Variants in CACNG1 observed in about 807,000 individuals in gnomAD.
The protein encoded by CACNG1 is calcium voltage-gated channel auxiliary subunit gamma 1, also known as voltage-dependent calcium channel gamma-1 subunit.
In CACNG1, 21 loss-of-function variants were observed where a neutral mutation model predicts 22.0. The observed-to-expected ratio is 0.95, with a 90% CI of 0.68 to 1.37. The LOEUF is 1.37. Among genes scored for constraint, CACNG1 ranks in the 40% most tolerant of loss-of-function variants. The pLI is 0.00. For synonymous variants in CACNG1, 127 were observed against 129.2 expected, an observed-to-expected ratio of 0.98 and a Z score of 0.12; for missense variants, 291 against 308.6, an observed-to-expected ratio of 0.94 and a Z score of 0.43.
chr17:67,054,220 T>G lies in CACNG1; in HGVS notation c.304+150T>G. On this transcript the variant is annotated intron_variant, in intron 2 of 3. Transcript: ENST00000226021. The surrounding 1 kb of genome is among the most constrained non-coding windows in gnomAD (Gnocchi z 4.6). ...GCATTTGAACAACAGCCTTGTCAGC[T>G]CCCCGCTCCGGAGGCCCCAGGCAGC... is the stretch of plus-strand genomic sequence containing the variant. The G allele has an allele frequency of 1.5e-6, 1 of 665,730 alleles. No homozygotes were observed. The highest frequency in any genetic ancestry group is 2.6e-6 in the Non-Finnish European group (1 of 380,002). 41.2% of individuals were successfully genotyped at this position (665,730 alleles called of 1,614,324 possible). A position where few individuals can be genotyped will look rare whatever the true frequency, so the allele number is the denominator to read the frequency against.
chr17:67,053,924 C>T (rs113550460), intron 1 of CACNG1, 72 bp from the exon 2 acceptor site: 107 of 1,098,216 alleles, frequency 9.7e-5, no homozygotes, highest in South Asian at 8.2e-4. Context: ...AATGACACCA[C>T]GCTCTCTGCC....
intron 1 of CACNG1, among the ~76,000 whole-genome samples, chr17:67,051,540 T>C (rs2035728267): frequency 6.6e-6 from 1 of 152,176 alleles, no homozygotes; most frequent in Admixed American, 6.5e-5. Flanking sequence ...AGTTCAGCCA[T>C]GTAAGAGTGA....
In CACNG1 at chr17:67,044,713, C is replaced by T; in HGVS notation, c.53C>T (p.Ala18Val). 6.2e-7 allele frequency: 1 copy of T among 1,611,792 alleles called. No individual in the cohort carries two copies. Residue 18 changes from alanine (A) to valine (V), a missense_variant, in exon 1 of 4, where the codon GCA becomes GTA. Ala to Val is a moderately conservative substitution (Grantham distance 64, BLOSUM62 0). Coordinates refer to ENST00000226021, the MANE Select transcript of CACNG1 (RefSeq NM_000727.4). The surrounding 1 kb of genome is among the most constrained non-coding windows in gnomAD (Gnocchi z 6.9). ...KVRVTLFCILAGIVLAMTAVV... is the reference protein window; with the variant it reads ...KVRVTLFCILVGIVLAMTAVV... The stretch of plus-strand genomic sequence containing the variant: ...CGCGTGACCCTCTTCTGCATCCTGG[C>T]AGGCATCGTGCTGGCCATGACAGCC...
In CACNG1 at chr17:67,055,989, C is replaced by A; in HGVS notation, c.443-56C>A. The A allele has an allele frequency of 1.4e-6, 2 of 1,428,056 alleles. No individual in the cohort carries two copies. The highest frequency in any genetic ancestry group is 1.9e-6 in the Non-Finnish European group (2 of 1,027,164). 88.5% of individuals were successfully genotyped at this position (1,428,056 alleles called of 1,614,324 possible). A position where few individuals can be genotyped will look rare whatever the true frequency, so the allele number is the denominator to read the frequency against. Reference sequence around the variant, plus strand: ...TCCATGCACACAGGCTGGGATGGGGCTGGTGGCTACGGCAGACGCCCCTCG... The same window carrying A: ...TCCATGCACACAGGCTGGGATGGGGATGGTGGCTACGGCAGACGCCCCTCG... On this transcript the variant is annotated intron_variant, in intron 3 of 3. Transcript: ENST00000226021. This position sits in a 1 kb window ranked among gnomAD's most constrained non-coding sequence, Gnocchi z 4.5.
At position 67,044,593 on chromosome 17, in the gene CACNG1, C is replaced by G; in HGVS notation, c.-68C>G. The G allele has an allele frequency of 9.4e-7, 1 of 1,062,872 alleles. No individual in the cohort carries two copies. The highest frequency in any genetic ancestry group is 1.4e-6 in the Non-Finnish European group (1 of 703,136). 65.8% of individuals were successfully genotyped at this position (1,062,872 alleles called of 1,614,324 possible). ...AACCACTGCCACCCCCCAAGCTCGG[C>G]TTGTCACCTGCCCTAGGAGACGCAG... On this transcript the variant is annotated 5_prime_UTR_variant, in exon 1 of 4. Transcript: ENST00000226021. This position sits in a 1 kb window ranked among gnomAD's most constrained non-coding sequence, Gnocchi z 6.9.
intron 1 of CACNG1, among the ~76,000 whole-genome samples, chr17:67,047,586 A>C (rs2035704482): frequency 6.6e-6 from 1 of 152,186 alleles, no homozygotes; most frequent in Non-Finnish European, 1.5e-5. Flanking sequence ...CCCACTTGAG[A>C]AGCTGTTTCT....
chr17:67,051,993 C>T (rs759225186), intron 1 of CACNG1, among the ~76,000 whole-genome samples: 15 of 152,316 alleles, frequency 9.8e-5, no homozygotes, highest in Non-Finnish European at 1.9e-4. Context: ...ATTCTGACAA[C>T]TGAAATTGGC....
chr17:67,053,493 G>C (rs915576960), intron 1 of CACNG1, among the ~76,000 whole-genome samples: 7 of 152,228 alleles, frequency 4.6e-5, no homozygotes, highest in Admixed American at 3.9e-4. Context: ...CATGTTGGGA[G>C]GACCTGTCCT....
intron 1 of CACNG1, among the ~76,000 whole-genome samples, chr17:67,052,565 T>G (rs923217651): frequency 2.6e-5 from 4 of 152,204 alleles, no homozygotes; most frequent in African/African-American, 9.7e-5. Context: ...AGAAATGAAT[T>G]GGCAAACTAG....
chr17:67,052,599 G>A (rs1435446188), intron 1 of CACNG1, among the ~76,000 whole-genome samples: 1 of 152,162 alleles, frequency 6.6e-6, no homozygotes, highest in Non-Finnish European at 1.5e-5. Flanking sequence ...TAGAGAAAGA[G>A]ATGTTTTTCT....
At chr17:67,045,521 C>T (rs2035691508) in intron 1 of CACNG1, among the ~76,000 whole-genome samples, 1 of 141,022 alleles carries the variant, frequency 7.1e-6, no homozygotes, top group African/African-American at 3.0e-5. Context: ...CTGCCCCCAC[C>T]TTCTTTTTTT....
rs141413609 is a variant in CACNG1, at chr17:67,054,485, G to A, written c.304+415G>A. On this transcript the variant is annotated intron_variant, in intron 2 of 3. Coordinates refer to ENST00000226021, the MANE Select transcript of CACNG1 (RefSeq NM_000727.4). The surrounding 1 kb of genome is among the most constrained non-coding windows in gnomAD (Gnocchi z 4.6). Reference sequence around the variant, plus strand: ...CCCTCCCTGAGTACCAGGAGGGTGCGGTGGGCTCTGGGAGCTTTTCAGGAT... The same window carrying A: ...CCCTCCCTGAGTACCAGGAGGGTGCAGTGGGCTCTGGGAGCTTTTCAGGAT... Among the ~76,000 whole-genome samples, 677 of 152,272 alleles carry A rather than the reference G, an allele frequency of 4.4e-3. 6 individuals are homozygous for A. Among genetic ancestry groups the A allele is most frequent in the African/African-American group, 0.015 (628 of 41,534 alleles).
chr17:67,052,564 T>C (rs771434884), intron 1 of CACNG1, among the ~76,000 whole-genome samples: 12 of 152,134 alleles, frequency 7.9e-5, no homozygotes, highest in Non-Finnish European at 4.4e-5. Flanking sequence ...AAGAAATGAA[T>C]TGGCAAACTA....
At position 67,054,124 on chromosome 17, in the gene CACNG1, G is replaced by A; in HGVS notation, c.304+54G>A. On this transcript the variant is annotated intron_variant, in intron 2 of 3. Coordinates refer to ENST00000226021, the MANE Select transcript of CACNG1 (RefSeq NM_000727.4). The surrounding 1 kb of genome is among the most constrained non-coding windows in gnomAD (Gnocchi z 4.6). ...TGACAAGAGGGGACTTCTGTGTTGT[G>A]CACCACTGGGCCAGAAAGTCATTGG... The A allele has an allele frequency of 2.2e-6, 3 of 1,376,066 alleles. No individual in the cohort carries two copies. The highest frequency in any genetic ancestry group is 3.1e-6 in the Non-Finnish European group (3 of 963,346). The allele number at this position is 1,376,066 out of a possible 1,614,324, so 85.2% of individuals were successfully genotyped here.
chr17:67,050,628 C>A (rs925697989), intron 1 of CACNG1, among the ~76,000 whole-genome samples: 3 of 152,228 alleles, frequency 2.0e-5, no homozygotes, highest in African/African-American at 7.2e-5. Flanking sequence ...AAGGCATCCA[C>A]TAATCCTGCC....
chr17:67,049,038 G>GA (rs2035713261), intron 1 of CACNG1, among the ~76,000 whole-genome samples: 1 of 152,188 alleles, frequency 6.6e-6, no homozygotes, highest in African/African-American at 2.4e-5. Context: ...CAAATTGGAT[G>GA]AAAAACGTTA....
rs1032782255 is a variant in CACNG1 at position 67,055,350 on chromosome 17, G to C, written c.442+110G>C. ...GATTTGGGTGAGGGGCATTTCCCAG[G>C]CTCCATCCCCATCCAGGGGCAAACC... On this transcript the variant is annotated intron_variant, in intron 3 of 3. Coordinates refer to ENST00000226021, the MANE Select transcript of CACNG1 (RefSeq NM_000727.4). This position sits in a 1 kb window ranked among gnomAD's most constrained non-coding sequence, Gnocchi z 4.5. 73 of 1,312,308 alleles carry C rather than the reference G, an allele frequency of 5.6e-5. No homozygotes were observed. The African/African-American group carries it at 7.2e-4, about 13-fold the overall frequency. 81.3% of individuals were successfully genotyped at this position (1,312,308 alleles called of 1,614,324 possible).
intron 1 of CACNG1, among the ~76,000 whole-genome samples, chr17:67,048,308 CA>C (rs377751953): frequency 0.026 from 2,881 of 110,250 alleles, 23 homozygotes; most frequent in Middle Eastern, 0.04. Context: ...CTGTCCCTAC[CA>C]AAAAAAAAAA....
Position 67,055,028 on chromosome 17 carries a change from T to G in CACNG1, c.305-75T>G. ...ACACTGACACACACACTGTGGTGCA[T>G]GGTGTGGTCCCTAACGAGCCATGAC... On this transcript the variant is annotated intron_variant, in intron 2 of 3. Coordinates refer to ENST00000226021, the MANE Select transcript of CACNG1 (RefSeq NM_000727.4). This position sits in a 1 kb window ranked among gnomAD's most constrained non-coding sequence, Gnocchi z 4.5. 5 of 1,444,184 alleles carry G rather than the reference T, an allele frequency of 3.5e-6. No homozygotes were observed. Among genetic ancestry groups the G allele is most frequent in the Non-Finnish European group, 4.8e-6 (5 of 1,049,416 alleles). The allele number at this position is 1,444,184 out of a possible 1,614,324, so 89.5% of individuals were successfully genotyped here.
Sources: allele counts gnomAD v4.1 joint callset (sites outside exome capture counted in the v4.1 genomes callset), GRCh38; gene constraint gnomAD v4.1.1; non-coding constraint Gnocchi (gnomAD v3.1); transcripts MANE v1.5; gene names NCBI Gene and HGNC (gene_info 2026-07-23, HGNC 2026-07-21).